The following ABCG2 variants were observed in gnomAD, a reference collection of about 807,000 sequenced individuals.
ABCG2 encodes broad substrate specificity ATP-binding cassette transporter ABCG2.
Under a neutral mutation model 73.5 loss-of-function variants are expected in ABCG2, and 80 were observed. That is an observed-to-expected ratio of 1.09 (90% CI 0.91 to 1.31). The LOEUF (loss-of-function observed/expected upper bound fraction) is 1.31. Among genes scored for constraint, ABCG2 ranks in the 50% most tolerant of loss-of-function variants. ABCG2 has a pLI of 0.00. For missense variants in ABCG2, 796 were observed against 786.2 expected (o/e 1.01, Z -0.15); for synonymous variants, 269 against 282.4 (o/e 0.95, Z 0.48).
At chr4:88,170,754 T>C (rs1320243903) in intron 1 of ABCG2, among the ~76,000 whole-genome samples, 2 of 152,266 alleles carry the variant, frequency 1.3e-5, no homozygotes, top group Admixed American at 1.3e-4. Context: ...CTCTTGTTAT[T>C]TTGTCTTCAT....
At chr4:88,170,768 A>ACAGG (rs1727725143) in intron 1 of ABCG2, among the ~76,000 whole-genome samples, 2 of 152,258 alleles carry the variant, frequency 1.3e-5, no homozygotes, top group South Asian at 4.1e-4. Context: ...TCTTCATTCC[A>ACAGG]CAGGCAGCGA....
At chr4:88,209,937 CA>C (rs1345119464) in intron 1 of ABCG2, among the ~76,000 whole-genome samples, 1 of 152,100 alleles carries the variant, frequency 6.6e-6, no homozygotes, top group Non-Finnish European at 1.5e-5. Flanking sequence ...CCCCAGTTGT[CA>C]GTTATTTTTG....
chr4:88,150,384 T>G (rs1414597518), intron 1 of ABCG2, among the ~76,000 whole-genome samples: 1 of 152,092 alleles, frequency 6.6e-6, no homozygotes, highest in Non-Finnish European at 1.5e-5. Context: ...TATGTCCAAG[T>G]GCTGGTCGAA....
At chr4:88,192,765 G>T (rs1487658389) in intron 1 of ABCG2, among the ~76,000 whole-genome samples, 1 of 149,492 alleles carries the variant, frequency 6.7e-6, no homozygotes, top group African/African-American at 2.5e-5. Flanking sequence ...AGGTTGGAGT[G>T]CAGTGGCGCA....
upstream of ABCG2, among the ~76,000 whole-genome samples, chr4:88,160,865 A>AC (rs1167836949): frequency 6.6e-6 from 1 of 151,078 alleles, no homozygotes; most frequent in African/African-American, 2.4e-5. Context: ...AAAAAAAAAA[A>AC]AAAAAAACCT....
chr4:88,134,752 T>C (rs947247359), intron 2 of ABCG2, among the ~76,000 whole-genome samples: 3 of 152,206 alleles, frequency 2.0e-5, no homozygotes, highest in Non-Finnish European at 2.9e-5. Context: ...ACCCTGGCAT[T>C]ACAGAAAACA....
chr4:88,205,175 C>T (rs1729329134), intron 1 of ABCG2, among the ~76,000 whole-genome samples: 1 of 152,144 alleles, frequency 6.6e-6, no homozygotes, highest in Non-Finnish European at 1.5e-5. Flanking sequence ...CTTCAAATTC[C>T]ACTGGCAGAG....
chr4:88,198,770 C>T (rs1468383026), intron 1 of ABCG2, among the ~76,000 whole-genome samples: 2 of 151,870 alleles, frequency 1.3e-5, no homozygotes, highest in East Asian at 1.9e-4. Context: ...CATGAGCTTA[C>T]GGGTTGACTA....
At chr4:88,103,929 T>C (rs1008481728) in intron 10 of ABCG2, among the ~76,000 whole-genome samples, 3 of 152,252 alleles carry the variant, frequency 2.0e-5, no homozygotes, top group African/African-American at 7.2e-5. Context: ...TGTGTATATA[T>C]ACCACATTTT....
chr4:88,119,248 G>T (rs1405272198), intron 6 of ABCG2, among the ~76,000 whole-genome samples: 1 of 152,184 alleles, frequency 6.6e-6, no homozygotes, highest in African/African-American at 2.4e-5. Context: ...GATCTCCCCA[G>T]CCATGTGCAA....
intron 1 of ABCG2, among the ~76,000 whole-genome samples, chr4:88,156,540 T>C (rs1395593379): frequency 1.3e-5 from 2 of 152,160 alleles, no homozygotes; most frequent in East Asian, 3.9e-4. Flanking sequence ...CAAATATCCA[T>C]GAGCCCATAC....
At chr4:88,143,935 G>A (rs1725802880) in intron 1 of ABCG2, among the ~76,000 whole-genome samples, 1 of 152,160 alleles carries the variant, frequency 6.6e-6, no homozygotes, top group South Asian at 2.1e-4. Flanking sequence ...GATCTCTAAT[G>A]AATATAGTAT....
At chr4:88,117,704 A>T (rs1374409985) in intron 7 of ABCG2, among the ~76,000 whole-genome samples, 1 of 152,222 alleles carries the variant, frequency 6.6e-6, no homozygotes, top group Non-Finnish European at 1.5e-5. Context: ...CAACATGTGC[A>T]AGGGGAAAAA....
chr4:88,222,417 G>C (rs968539633), intron 1 of ABCG2, among the ~76,000 whole-genome samples: 1 of 152,136 alleles, frequency 6.6e-6, no homozygotes, highest in Non-Finnish European at 1.5e-5. Flanking sequence ...TCACTGAATC[G>C]TGGGCCGCTG....
At chr4:88,204,515 T>C (rs1729306452) in intron 1 of ABCG2, among the ~76,000 whole-genome samples, 1 of 152,164 alleles carries the variant, frequency 6.6e-6, no homozygotes, top group South Asian at 2.1e-4. Context: ...AGGGTCCCAT[T>C]TGGACATGGA....
Position 88,124,797 on chromosome 4 carries a change from C to A in ABCG2, c.532-3005G>T, listed in dbSNP as rs370899859. Among the ~76,000 whole-genome samples, 63 of 152,264 alleles carry A rather than the reference C, an allele frequency of 4.1e-4. 2 individuals carry two copies. The South Asian group carries it at 0.012, about 29-fold the overall frequency. On this transcript the variant is annotated intron_variant, in intron 5 of 15. Coordinates refer to ENST00000237612, the MANE Select transcript of ABCG2 (RefSeq NM_004827.3). Reference sequence around the variant, plus strand: ...TTCAGGACTTGAACTCAGCTCTGGACCAAGTGAACCTAACAGACACCTACA... The same window carrying A: ...TTCAGGACTTGAACTCAGCTCTGGAACAAGTGAACCTAACAGACACCTACA...
At chr4:88,223,949 C>T (rs537075995) in intron 1 of ABCG2, 1 of 151,758 alleles carries the variant, frequency 6.6e-6, no homozygotes, top group Non-Finnish European at 1.5e-5. Flanking sequence ...CTGTATTTCC[C>T]TAGTGACTAG....
At chr4:88,157,016 C>T (rs1362593984) in intron 1 of ABCG2, among the ~76,000 whole-genome samples, 1 of 152,144 alleles carries the variant, frequency 6.6e-6, no homozygotes, top group African/African-American at 2.4e-5. Flanking sequence ...GCAGGAGAAT[C>T]GCTAGAACCT....
intron 9 of ABCG2, 74 bp from the exon 10 acceptor site, chr4:88,107,340 T>G: frequency 2.0e-6 from 2 of 978,050 alleles, no homozygotes; most frequent in Non-Finnish European, 3.0e-6. Flanking sequence ...CACCATTTAT[T>G]AGTATAATAT....
Sources: gnomAD v4.1 joint callset for allele counts (sites outside exome capture counted in the v4.1 genomes callset) on GRCh38, gnomAD v4.1.1 for gene constraint, MANE v1.5 for transcripts, NCBI Gene and HGNC (gene_info 2026-07-23, HGNC 2026-07-21) for gene names.